The following RTL4 variants were observed in gnomAD, a reference collection of about 807,000 sequenced individuals.
RTL4 encodes the protein retrotransposon Gag-like protein 4.
RTL4 carries 4 observed loss-of-function variants against 5.3 expected under a neutral mutation model. The observed-to-expected ratio is 0.75, with a 90% CI of 0.37 to 1.72. RTL4 has a LOEUF of 1.72. Ranked by LOEUF, RTL4 falls within the 40% of genes most tolerant of loss-of-function variation. RTL4 has a pLI of 0.04. For missense variants in RTL4, 260 were observed against 227.1 expected, an observed-to-expected ratio of 1.14 and a Z score of -0.93; for synonymous variants, 98 against 87.3, an observed-to-expected ratio of 1.12 and a Z score of -0.68.
chrX:112,161,697 A>C, the RTL4 span, among the ~76,000 whole-genome samples: 1 of 110,885 alleles, frequency 9.0e-6, no homozygotes, highest in African/African-American at 3.3e-5. Context: ...TTTGTTGATC[A>C]CCTATTATGT....
At chrX:112,301,282 T>A in the RTL4 span, among the ~76,000 whole-genome samples, 1 of 111,947 alleles carries the variant, frequency 8.9e-6, no homozygotes, top group Non-Finnish European at 1.9e-5. Context: ...GATATTTGCC[T>A]AGGTAAGCTA....
the RTL4 span, among the ~76,000 whole-genome samples, chrX:112,161,844 C>CCTTTCTTTCTTTCTTTCTTT: frequency 3.7e-4 from 15 of 40,067 alleles, 1 homozygote; most frequent in African/African-American, 1.5e-3. Context: ...TTCCTTCCTT[C>CCTTTCTTTCTTTCTTTCTTT]CTTTCTTTCT....
At chrX:112,438,344 G>C in the RTL4 span, among the ~76,000 whole-genome samples, 1 of 111,542 alleles carries the variant, frequency 9.0e-6, no homozygotes, top group South Asian at 3.8e-4. Flanking sequence ...TGAGTATCCT[G>C]ATGCATTGCA....
chrX:112,367,008 C>T, the RTL4 span, among the ~76,000 whole-genome samples: 27 of 111,413 alleles, frequency 2.4e-4, no homozygotes, highest in African/African-American at 8.1e-4. Context: ...CTGCCTGGAG[C>T]GCAGCTGAAA....
At chrX:112,218,326 A>T in the RTL4 span, among the ~76,000 whole-genome samples, 1 of 111,940 alleles carries the variant, frequency 8.9e-6, no homozygotes, top group Non-Finnish European at 1.9e-5. Context: ...GGCCTCCATC[A>T]GGTCTTCTAC....
the RTL4 span, among the ~76,000 whole-genome samples, chrX:112,313,290 C>A: frequency 3.6e-5 from 4 of 110,666 alleles, no homozygotes; most frequent in Non-Finnish European, 7.6e-5. Flanking sequence ...TTAGTAAAAA[C>A]AAAACAAAAC....
At chrX:112,219,904 T>C in the RTL4 span, among the ~76,000 whole-genome samples, 1 of 112,057 alleles carries the variant, frequency 8.9e-6, no homozygotes, top group Non-Finnish European at 1.9e-5. Context: ...TTGCTTAAGA[T>C]AGAAAAACCT....
At chrX:112,253,023 T>C in the RTL4 span, among the ~76,000 whole-genome samples, 1 of 112,040 alleles carries the variant, frequency 8.9e-6, no homozygotes, top group South Asian at 3.7e-4. Context: ...GGTGGAATTT[T>C]CTGATACTTG....
chrX:112,104,646 T>A, the RTL4 span, among the ~76,000 whole-genome samples: 1 of 111,941 alleles, frequency 8.9e-6, no homozygotes, highest in East Asian at 2.8e-4. Flanking sequence ...CTCTAATGAT[T>A]AGTGACTTTG....
chrX:112,236,432 TAG>T, the RTL4 span, among the ~76,000 whole-genome samples: 1 of 80,326 alleles, frequency 1.2e-5, no homozygotes, highest in Non-Finnish European at 2.3e-5. Flanking sequence ...TATATAGATA[TAG>T]ATCTATATCT....
At chrX:112,211,818 T>G in the RTL4 span, among the ~76,000 whole-genome samples, 4 of 112,398 alleles carry the variant, frequency 3.6e-5, no homozygotes, top group African/African-American at 1.3e-4. Flanking sequence ...GGAACAGTAA[T>G]AGACATGATT....
At chrX:112,320,571 A>G in the RTL4 span, among the ~76,000 whole-genome samples, 1 of 111,130 alleles carries the variant, frequency 9.0e-6, no homozygotes, top group Non-Finnish European at 1.9e-5. Flanking sequence ...TGGAGAGATA[A>G]TAGACCAGAT....
the RTL4 span, among the ~76,000 whole-genome samples, chrX:112,362,295 G>T: frequency 2.7e-5 from 3 of 111,719 alleles, no homozygotes; most frequent in Non-Finnish European, 5.7e-5. Flanking sequence ...CTCCATTATG[G>T]AGCTTTCATG....
At chrX:112,396,451 G>T in the RTL4 span, among the ~76,000 whole-genome samples, 5 of 111,339 alleles carry the variant, frequency 4.5e-5, no homozygotes. Context: ...TGCTTTTTGT[G>T]TGTAGATAGT....
the RTL4 span, among the ~76,000 whole-genome samples, chrX:112,380,460 A>AT: frequency 8.9e-6 from 1 of 112,008 alleles, no homozygotes; most frequent in Non-Finnish European, 1.9e-5. Flanking sequence ...CCCGGGATCA[A>AT]TTTTTTTAAA....
chrX:112,322,898 T>G, the RTL4 span, among the ~76,000 whole-genome samples: 100 of 111,996 alleles, frequency 8.9e-4, no homozygotes, highest in African/African-American at 3.0e-3. Context: ...CTGTCTAATA[T>G]TCTATGAATT....
chrX:112,371,183 A>G, the RTL4 span, among the ~76,000 whole-genome samples: 29 of 111,269 alleles, frequency 2.6e-4, no homozygotes, highest in Non-Finnish European at 1.3e-4. Context: ...CATAGTTTTA[A>G]GAAAATCAAT....
the RTL4 span, among the ~76,000 whole-genome samples, chrX:112,334,692 T>C: frequency 8.9e-6 from 1 of 112,294 alleles, no homozygotes; most frequent in African/African-American, 3.2e-5. Context: ...TTTATGTAAT[T>C]ACTGATAAAG....
At chrX:112,388,731 T>C in the RTL4 span, among the ~76,000 whole-genome samples, 1 of 112,422 alleles carries the variant, frequency 8.9e-6, no homozygotes, top group African/African-American at 3.2e-5. Context: ...GTTATGTAGG[T>C]TGAACCAACC....
Sources: allele counts gnomAD v4.1 joint callset (sites outside exome capture counted in the v4.1 genomes callset), GRCh38; gene constraint gnomAD v4.1.1; transcripts MANE v1.5; gene names NCBI Gene and HGNC (gene_info 2026-07-23, HGNC 2026-07-21).